HIP1: variants seen among roughly 807,000 people sequenced by gnomAD.
HIP1 encodes huntingtin-interacting protein 1.
A neutral mutation model predicts 147.6 loss-of-function variants in HIP1; 65 were observed. The observed-to-expected ratio is 0.44, with a 90% CI of 0.36 to 0.54. The LOEUF (loss-of-function observed/expected upper bound fraction) is 0.54. Among genes scored for constraint, HIP1 ranks in the 20% least tolerant of loss-of-function variants. HIP1 has a pLI of 0.00. For missense variants in HIP1, 1,061 were observed against 1,299.6 expected (o/e 0.82, Z 2.82); for synonymous variants, 479 against 504.0 (o/e 0.95, Z 0.67).
chr7:75,727,031 C>G (rs1801672025), intron 1 of HIP1, among the ~76,000 whole-genome samples: 1 of 151,994 alleles, frequency 6.6e-6, no homozygotes, highest in Non-Finnish European at 1.5e-5. Flanking sequence ...AAGCTGCACA[C>G]CATTTCATAA....
Position 75,715,896 on chromosome 7 carries a change from G to A in HIP1, c.120+22905C>T, listed in dbSNP as rs535069012. On this transcript the variant is annotated intron_variant, in intron 1 of 30. Transcript: ENST00000336926. ...GCCTCAAGAAGCTTTCACTCAAGGC[G>A]GAAGGGGAAGGGGAAGGGGAAGGGG... is the stretch of plus-strand genomic sequence containing the variant. Among the ~76,000 whole-genome samples the A allele has an allele frequency of 2.5e-4, 37 of 148,010 alleles. No individual in the cohort carries two copies. The East Asian group carries it at 7.0e-3, about 28-fold the overall frequency.
intron 1 of HIP1, among the ~76,000 whole-genome samples, chr7:75,718,714 A>G (rs1801396806): frequency 6.6e-6 from 1 of 152,124 alleles, no homozygotes; most frequent in Admixed American, 6.6e-5. Context: ...GCTTTGTGCC[A>G]TAATGTCTTT....
chr7:75,625,121 G>T (rs587771756), intron 1 of HIP1: 11 of 152,020 alleles, frequency 7.2e-5, no homozygotes, highest in Admixed American at 5.9e-4. Context: ...CATTATGTTG[G>T]CCAGGCTGGT....
At chr7:75,711,855 C>T (rs1277054572) in intron 1 of HIP1, among the ~76,000 whole-genome samples, 1 of 152,174 alleles carries the variant, frequency 6.6e-6, no homozygotes, top group Non-Finnish European at 1.5e-5. Flanking sequence ...AGAGAGGGCT[C>T]CTCCACCAGT....
At chr7:75,600,483 A>T (rs587770225) in intron 1 of HIP1, among the ~76,000 whole-genome samples, 1 of 152,250 alleles carries the variant, frequency 6.6e-6, no homozygotes, top group East Asian at 1.9e-4. Context: ...CAGAAAAGGG[A>T]TTATATCATG....
At chr7:75,613,372 T>C (rs1797516191) in intron 1 of HIP1, among the ~76,000 whole-genome samples, 1 of 152,044 alleles carries the variant, frequency 6.6e-6, no homozygotes, top group Non-Finnish European at 1.5e-5. Flanking sequence ...GCTACAACAC[T>C]TGGAATTTGC....
At chr7:75,693,919 CTTTTTTTTT>C (rs10628011) in intron 1 of HIP1, among the ~76,000 whole-genome samples, 1 of 114,876 alleles carries the variant, frequency 8.7e-6, no homozygotes, top group Non-Finnish European at 1.7e-5. Flanking sequence ...ATTCTCTTTT[CTTTTTTTTT>C]TTTTTTTTTG....
chr7:75,569,512 G>C (rs892441496), intron 8 of HIP1, among the ~76,000 whole-genome samples: 6 of 152,118 alleles, frequency 3.9e-5, no homozygotes, highest in Non-Finnish European at 7.4e-5. Context: ...AAGAGGTTGA[G>C]GTGGGAGGAT....
At chr7:75,576,519 C>A (rs937928730) in intron 7 of HIP1, among the ~76,000 whole-genome samples, 17 of 152,124 alleles carry the variant, frequency 1.1e-4, no homozygotes, top group African/African-American at 3.9e-4. Context: ...GTCAAGAGTT[C>A]GAGGCCAGCC....
intron 1 of HIP1, among the ~76,000 whole-genome samples, chr7:75,729,013 C>A (rs1301022864): frequency 1.1e-4 from 16 of 150,100 alleles, no homozygotes; most frequent in African/African-American, 3.4e-4. Context: ...ATTCATACCC[C>A]AAAACTCAGT....
Position 75,586,738 on chromosome 7 carries a change from T to C in HIP1, c.465+15A>G, listed in dbSNP as rs782045844. On this transcript the variant is annotated intron_variant, in intron 5 of 30. Coordinates refer to ENST00000336926, the MANE Select transcript of HIP1 (RefSeq NM_005338.7). The stretch of plus-strand genomic sequence containing the variant: ...GGAGGCGGCGGTGGCGGCAGAACTG[T>C]CCGCAGAGACTCACTTTGGTGTGGT... The C allele has an allele frequency of 1.5e-5, 23 of 1,568,390 alleles. No homozygotes were observed. The highest frequency in any genetic ancestry group is 1.9e-5 in the Non-Finnish European group (22 of 1,139,110).
chr7:75,671,703 C>A (rs183369954), intron 1 of HIP1, among the ~76,000 whole-genome samples: 2 of 152,222 alleles, frequency 1.3e-5, no homozygotes, highest in East Asian at 3.9e-4. Flanking sequence ...ATTCCAATTT[C>A]TCCACAACCT....
At chr7:75,581,400 T>G (rs1457476831) in intron 6 of HIP1, 102 bp from the exon 7 acceptor site, 1 of 799,624 alleles carries the variant, frequency 1.3e-6, no homozygotes. Flanking sequence ...CCAATGCTCA[T>G]GTGCATGCGC....
At chr7:75,544,637 A>G in intron 27 of HIP1, 58 bp downstream of exon 27, 2 of 1,020,474 alleles carry the variant, frequency 2.0e-6, no homozygotes, top group Non-Finnish European at 3.1e-6. Context: ...TCTTTAACCT[A>G]GCCTAGTACT....
At chr7:75,549,941 G>T (rs1554491818) in intron 22 of HIP1, among the ~76,000 whole-genome samples, 2 of 151,654 alleles carry the variant, frequency 1.3e-5, no homozygotes, top group African/African-American at 4.9e-5. Context: ...TTCCCAATGT[G>T]CTGGGATTGA....
chr7:75,738,887 G>A lies in HIP1; in HGVS notation c.34C>T (p.Pro12Ser). The A allele has an allele frequency of 6.4e-7, 1 of 1,566,580 alleles. No homozygotes were observed. Among genetic ancestry groups the A allele is most frequent in the Non-Finnish European group, 8.6e-7 (1 of 1,157,934 alleles). ...DRMASSMKQV[P>S]NPLPKVLSRR... The stretch of plus-strand genomic sequence containing the variant: ...CTCAGCACCTTGGGCAGTGGGTTGG[G>A]CACCTGCTTCATGGAGCTGGCCATC... The change falls in exon 1 of 31, where the codon CCC becomes TCC. Residue 12 changes from proline (P) to serine (S), a missense_variant. By Grantham distance (74) the Pro-to-Ser change is moderately conservative (BLOSUM62 -1). Around this residue, in one of 3 missense-constraint regions of HIP1, gnomAD observed 225 missense variants for 292.9 expected, o/e 0.77. Coordinates refer to ENST00000336926, the MANE Select transcript of HIP1 (RefSeq NM_005338.7).
chr7:75,551,215 T>TTTTTTTTTTTTGG (rs1794770851), intron 22 of HIP1, among the ~76,000 whole-genome samples: 1 of 134,202 alleles, frequency 7.5e-6, no homozygotes, highest in Non-Finnish European at 1.6e-5. Flanking sequence ...TTTTTTTTTT[T>TTTTTTTTTTTTGG]GAGGCAGTGT....
intron 24 of HIP1, 125 bp from the exon 25 acceptor site, chr7:75,547,157 T>C (rs1251744708): frequency 1.3e-6 from 1 of 753,068 alleles, no homozygotes; most frequent in East Asian, 2.7e-5. Flanking sequence ...AGAAGGGTGC[T>C]GAGGTTGCTG....
rs1463534849 is a variant in HIP1 at position 75,568,732 on chromosome 7, G to A, written c.746-476C>T. On this transcript the variant is annotated intron_variant, in intron 8 of 30. Coordinates refer to ENST00000336926, the MANE Select transcript of HIP1 (RefSeq NM_005338.7). The surrounding 1 kb of genome is among the most constrained non-coding windows in gnomAD (Gnocchi z 4.1). ...GCAAAGAACAAGGGATTGAAGGCCA[G>A]GTGCAGTGGCTCACGCATGTAATCC... Among the ~76,000 whole-genome samples the A allele has an allele frequency of 6.6e-6, 1 of 152,232 alleles. No individual in the cohort carries two copies. The highest frequency in any genetic ancestry group is 1.5e-5 in the Non-Finnish European group (1 of 68,044).
Sources: gnomAD v4.1 joint callset for allele counts (sites outside exome capture counted in the v4.1 genomes callset) on GRCh38, gnomAD v4.1.1 for gene constraint, gnomAD v4.1.1 regional missense constraint, Gnocchi (gnomAD v3.1) non-coding constraint, MANE v1.5 for transcripts, NCBI Gene and HGNC (gene_info 2026-07-23, HGNC 2026-07-21) for gene names.